The following PSMG2 variants were observed in gnomAD, a reference collection of about 807,000 sequenced individuals.
PSMG2 encodes the protein proteasome assembly chaperone 2.
A neutral mutation model predicts 31.5 loss-of-function variants in PSMG2; 21 were observed. That is an observed-to-expected ratio of 0.67 (90% CI 0.47 to 0.96). The LOEUF (loss-of-function observed/expected upper bound fraction) is 0.96, where lower values mean the gene tolerates loss of function less well. Ranked by LOEUF, PSMG2 falls within the 40% of genes least tolerant of loss-of-function variation. PSMG2 has a pLI of 0.00. For synonymous variants in PSMG2, 120 were observed against 110.4 expected, an observed-to-expected ratio of 1.09 and a Z score of -0.54; for missense variants, 318 against 321.2, an observed-to-expected ratio of 0.99 and a Z score of 0.08.
chr18:12,725,494 T>A lies in PSMG2; in HGVS notation c.758T>A (p.Leu253Ter). The change falls in exon 7 of 7, where the codon TTA (leucine) becomes TAA (stop). Residue 253 changes from leucine to a stop codon, truncating the protein, a stop_gained. Transcript: ENST00000317615. LOFTEE classifies it high-confidence loss of function. ...TGGAAAATACCAAGTTCTTGGAGAT[T>A]ACTCTTTGGCAGTGGTCTTCCCCCT... ...SRWKIPSSWR[L>*]LFGSGLPPAL... 1 of 1,607,148 alleles carries A rather than the reference T, an allele frequency of 6.2e-7. No individual in the cohort carries two copies. Among genetic ancestry groups the A allele is most frequent in the Non-Finnish European group, 8.5e-7 (1 of 1,173,838 alleles).
intron 1 of PSMG2, among the ~76,000 whole-genome samples, chr18:12,693,635 T>G (rs1421057224): frequency 6.6e-6 from 1 of 151,838 alleles, no homozygotes; most frequent in East Asian, 1.9e-4. Context: ...ATACAAAAAT[T>G]AGCTGGGCGT....
At chr18:12,703,858 T>G (rs911456718) in intron 1 of PSMG2, among the ~76,000 whole-genome samples, 2 of 152,060 alleles carry the variant, frequency 1.3e-5, no homozygotes, top group African/African-American at 4.8e-5. Flanking sequence ...TAGGGGAAAG[T>G]AGGCGTTTCA....
At chr18:12,699,034 G>A, upstream of PSMG2, 1 of 1,613,830 alleles carries the variant, frequency 6.2e-7, no homozygotes, top group East Asian at 2.2e-5. Flanking sequence ...CTGGTTCACA[G>A]GCACATGGAA....
At chr18:12,702,512 G>T (rs1294843737), upstream of PSMG2, 1 of 1,609,854 alleles carries the variant, frequency 6.2e-7, no homozygotes, top group Non-Finnish European at 8.5e-7. Flanking sequence ...TGGATGAGCT[G>T]CTTCAGCTCG....
At chr18:12,699,954 G>A (rs1163585599), upstream of PSMG2, 8 of 1,269,150 alleles carry the variant, frequency 6.3e-6, no homozygotes, top group South Asian at 1.5e-5. Context: ...AACAATTATA[G>A]GTTAAGGAAA....
chr18:12,713,413 G>T (rs1320341856), intron 3 of PSMG2, among the ~76,000 whole-genome samples: 2 of 152,154 alleles, frequency 1.3e-5, no homozygotes, highest in Non-Finnish European at 2.9e-5. Context: ...CCTCAAATCT[G>T]CCTCCCTGTG....
chr18:12,694,593 G>C (rs2039881395), intron 1 of PSMG2, among the ~76,000 whole-genome samples: 3 of 152,174 alleles, frequency 2.0e-5, no homozygotes, highest in African/African-American at 7.2e-5. Context: ...AGAGAACAGA[G>C]CAGAAAAGAC....
chr18:12,659,054 C>T (rs978420562), intron 1 of PSMG2, among the ~76,000 whole-genome samples: 8 of 152,098 alleles, frequency 5.3e-5, no homozygotes, highest in Admixed American at 5.2e-4. Flanking sequence ...ATTAAATATG[C>T]AATAAAACAG....
At chr18:12,677,968 T>G in intron 1 of PSMG2, 1 of 621,640 alleles carries the variant, frequency 1.6e-6, no homozygotes, top group African/African-American at 1.8e-5. Context: ...ACTTTCAAAA[T>G]TATAAGCTTC....
At chr18:12,716,527 G>A (rs570035134) in intron 3 of PSMG2, among the ~76,000 whole-genome samples, 2 of 151,640 alleles carry the variant, frequency 1.3e-5, no homozygotes, top group African/African-American at 4.8e-5. Context: ...CCGAGTAGCT[G>A]GGACTACAGG....
At chr18:12,688,300 T>C (rs934801588) in intron 1 of PSMG2, among the ~76,000 whole-genome samples, 1 of 151,918 alleles carries the variant, frequency 6.6e-6, no homozygotes, top group Non-Finnish European at 1.5e-5. Flanking sequence ...TAAAGTTTCT[T>C]GCACTAAAAA....
intron 1 of PSMG2, among the ~76,000 whole-genome samples, chr18:12,687,974 T>C (rs939380554): frequency 1.3e-5 from 2 of 151,882 alleles, no homozygotes; most frequent in African/African-American, 4.8e-5. Context: ...CTGGGCACGG[T>C]GGCTCACGCC....
At chr18:12,710,256 G>A (rs1177838598) in intron 2 of PSMG2, among the ~76,000 whole-genome samples, 1 of 152,068 alleles carries the variant, frequency 6.6e-6, no homozygotes, top group Non-Finnish European at 1.5e-5. Context: ...TAAAGCATCT[G>A]TGATTTCACC....
chr18:12,675,323 G>A (rs1349243598), intron 1 of PSMG2, among the ~76,000 whole-genome samples: 1 of 152,082 alleles, frequency 6.6e-6, no homozygotes, highest in Non-Finnish European at 1.5e-5. Context: ...ATGAATCCGG[G>A]AGGCAGAGCT....
upstream of PSMG2, among the ~76,000 whole-genome samples, chr18:12,701,892 A>T (rs1190414083): frequency 1.3e-5 from 2 of 152,184 alleles, no homozygotes; most frequent in East Asian, 3.9e-4. Context: ...GCACTTTAGG[A>T]GGCCGAGGCG....
At chr18:12,689,719 G>A (rs1161084017) in intron 1 of PSMG2, among the ~76,000 whole-genome samples, 4 of 151,946 alleles carry the variant, frequency 2.6e-5, no homozygotes, top group African/African-American at 9.7e-5. Context: ...ATTCCACGTG[G>A]CAATGAATAA....
intron 1 of PSMG2, among the ~76,000 whole-genome samples, chr18:12,662,567 C>T (rs1467355051): frequency 6.6e-6 from 1 of 152,108 alleles, no homozygotes; most frequent in African/African-American, 2.4e-5. Context: ...TTTGAGCTCA[C>T]AAGTTTGAGA....
At chr18:12,708,655 C>T (rs1053270507) in intron 2 of PSMG2, among the ~76,000 whole-genome samples, 6 of 150,628 alleles carry the variant, frequency 4.0e-5, no homozygotes, top group Non-Finnish European at 5.9e-5. Context: ...CAAGCCGCTG[C>T]GCCCAGCGGC....
At chr18:12,672,295 T>C (rs1178480231) in intron 1 of PSMG2, among the ~76,000 whole-genome samples, 1 of 151,952 alleles carries the variant, frequency 6.6e-6, no homozygotes, top group Non-Finnish European at 1.5e-5. Context: ...TTCGTATTTT[T>C]AGTAGAGACA....
Sources: allele counts gnomAD v4.1 joint callset (sites outside exome capture counted in the v4.1 genomes callset), GRCh38; gene constraint gnomAD v4.1.1; transcripts MANE v1.5; gene names NCBI Gene and HGNC (gene_info 2026-07-23, HGNC 2026-07-21).